RHCE: variants seen among roughly 807,000 people sequenced by gnomAD.
RHCE encodes the protein blood group Rh(CE) polypeptide.
A neutral mutation model predicts 43.8 loss-of-function variants in RHCE; 22 were observed. The ratio of observed to expected loss-of-function variants is 0.50; its 90% CI spans 0.36 to 0.72. The LOEUF (loss-of-function observed/expected upper bound fraction) is 0.72, where lower values mean the gene tolerates loss of function less well. Among genes scored for constraint, RHCE ranks in the 30% least tolerant of loss-of-function variants. The probability of loss-of-function intolerance (pLI) is 0.00; values close to 1 mark genes in which losing one functional copy is unlikely to be tolerated. For synonymous variants in RHCE, 156 were observed against 210.7 expected, an observed-to-expected ratio of 0.74 and a Z score of 2.25; for missense variants, 385 against 525.4, an observed-to-expected ratio of 0.73 and a Z score of 2.61.
At chr1:25,413,531 A>T (rs1046898944) in intron 1 of RHCE, among the ~76,000 whole-genome samples, 7 of 152,204 alleles carry the variant, frequency 4.6e-5, no homozygotes, top group Non-Finnish European at 8.8e-5. Flanking sequence ...CCCAGAGGGG[A>T]ATTGTACATT....
intron 3 of RHCE, among the ~76,000 whole-genome samples, chr1:25,402,241 T>C (rs369499619): frequency 6.6e-6 from 1 of 151,804 alleles, no homozygotes; most frequent in East Asian, 1.9e-4. Flanking sequence ...TCTATCTATC[T>C]ATCCACCTAC....
At chr1:25,382,499 C>A (rs996053392) in intron 7 of RHCE, among the ~76,000 whole-genome samples, 7 of 148,844 alleles carry the variant, frequency 4.7e-5, no homozygotes, top group Non-Finnish European at 8.8e-5. Flanking sequence ...AAACCCAAAC[C>A]TGCTGACTGC....
intron 7 of RHCE, among the ~76,000 whole-genome samples, chr1:25,379,009 T>C (rs1467292512): frequency 6.6e-6 from 1 of 152,212 alleles, no homozygotes; most frequent in African/African-American, 2.4e-5. Flanking sequence ...TACTGTATGA[T>C]TCCATGTATA....
At chr1:25,401,628 TG>T (rs1646746197) in intron 3 of RHCE, among the ~76,000 whole-genome samples, 1 of 152,228 alleles carries the variant, frequency 6.6e-6, no homozygotes, top group South Asian at 2.1e-4. Context: ...AGAGGACATG[TG>T]CAGTTACTGA....
chr1:25,381,609 A>G (rs1392190217), intron 7 of RHCE, among the ~76,000 whole-genome samples: 1 of 152,094 alleles, frequency 6.6e-6, no homozygotes, highest in Admixed American at 6.5e-5. Context: ...GGTGTGCGCC[A>G]GAGTGCCCAG....
At chr1:25,418,415 G>T (rs765532599) in intron 1 of RHCE, among the ~76,000 whole-genome samples, 2 of 151,690 alleles carry the variant, frequency 1.3e-5, no homozygotes, top group Non-Finnish European at 2.9e-5. Flanking sequence ...AGGCTGGAGT[G>T]TAATGGCCTC....
chr1:25,397,819 C>T (rs1287782416), intron 3 of RHCE, among the ~76,000 whole-genome samples: 25 of 147,004 alleles, frequency 1.7e-4, no homozygotes, highest in African/African-American at 5.5e-4. Context: ...CTGTTGCCTC[C>T]GAAGCCTCAG....
chr1:25,367,976 A>C (rs558559829), intron 9 of RHCE, among the ~76,000 whole-genome samples: 19 of 150,676 alleles, frequency 1.3e-4, no homozygotes, highest in Non-Finnish European at 2.5e-4. Context: ...CCCTGTCTCA[A>C]ACAAAAAAAT....
upstream of RHCE, among the ~76,000 whole-genome samples, chr1:25,422,317 C>T (rs929202894): frequency 2.0e-5 from 3 of 152,126 alleles, no homozygotes; most frequent in Admixed American, 6.6e-5. Context: ...TTTATCAAAA[C>T]TGACACAGAG....
intron 1 of RHCE, among the ~76,000 whole-genome samples, chr1:25,417,984 A>G (rs1214284179): frequency 3.3e-5 from 5 of 152,194 alleles, no homozygotes; most frequent in Non-Finnish European, 1.5e-5. Context: ...CTCCGTATGC[A>G]GCCCAGTGAG....
chr1:25,383,252 G>A (rs952412595), intron 7 of RHCE, among the ~76,000 whole-genome samples: 1 of 152,228 alleles, frequency 6.6e-6, no homozygotes, highest in Non-Finnish European at 1.5e-5. Flanking sequence ...TCTGATCACA[G>A]CATCTGACTC....
intron 2 of RHCE, among the ~76,000 whole-genome samples, chr1:25,428,023 A>G (rs2042818068): frequency 6.8e-6 from 1 of 146,216 alleles, no homozygotes; most frequent in Admixed American, 6.8e-5. Context: ...CTGCTTCCAC[A>G]TAGTCCTAGA....
chr1:25,423,736 G>A (rs2042784721), upstream of RHCE, among the ~76,000 whole-genome samples: 1 of 152,166 alleles, frequency 6.6e-6, no homozygotes, highest in Non-Finnish European at 1.5e-5. Flanking sequence ...AAAGCACAAG[G>A]GATCTAGGAT....
intron 7 of RHCE, among the ~76,000 whole-genome samples, chr1:25,383,796 G>T (rs1211750857): frequency 6.6e-6 from 1 of 152,134 alleles, no homozygotes; most frequent in Non-Finnish European, 1.5e-5. Flanking sequence ...TCAGTGGGCT[G>T]ATTGTTCTCA....
rs1557652254 is a variant in RHCE at position 25,428,691 on chromosome 1, T to C, written c.-40+262A>G. 2.0e-5 allele frequency among the ~76,000 whole-genome samples: 3 copies of C among 152,222 alleles called. No individual in the cohort carries two copies. The South Asian group carries it at 6.2e-4, about 32-fold the overall frequency. On this transcript the variant is annotated intron_variant, in intron 2 of 11. Transcript: ENST00000349320. ...AGACTGTGAGAGATTTAGTAACTTGTCCAAGCTAGTAAGTGGCCAAGCTAG... is the reference window on the plus strand; with the variant it reads ...AGACTGTGAGAGATTTAGTAACTTGCCCAAGCTAGTAAGTGGCCAAGCTAG...
intron 1 of RHCE, among the ~76,000 whole-genome samples, chr1:25,413,494 T>A (rs1647165104): frequency 6.6e-6 from 1 of 152,256 alleles, no homozygotes; most frequent in Non-Finnish European, 1.5e-5. Context: ...AAGAAGTGGA[T>A]GTCCTACCCG....
upstream of RHCE, among the ~76,000 whole-genome samples, chr1:25,422,339 T>G (rs2042771296): frequency 6.6e-6 from 1 of 152,102 alleles, no homozygotes; most frequent in African/African-American, 2.4e-5. Flanking sequence ...ATAGACTGTT[T>G]AGTGAAAAAG....
In RHCE at chr1:25,392,075, A is replaced by G; in HGVS notation, c.553T>C (p.Trp185Arg). 1.9e-6 allele frequency: 3 copies of G among 1,614,182 alleles called. No individual in the cohort carries two copies. Among genetic ancestry groups the G allele is most frequent in the Non-Finnish European group, 2.5e-6 (3 of 1,180,036 alleles). The part of the protein sequence containing the change: ...FAAYFGLTVA[W>R]CLPKPLPKGT... Reference sequence around the variant, plus strand: ...TTGGGTAGAGGCTTTGGCAGGCACCAGGCCACAGTCAGCCCAAAATAGGCT... The same window carrying G: ...TTGGGTAGAGGCTTTGGCAGGCACCGGGCCACAGTCAGCCCAAAATAGGCT... The change falls in exon 4 of 10, where the codon TGG becomes CGG. Residue 185 changes from tryptophan to arginine, a missense_variant. Coordinates refer to ENST00000294413, the MANE Select transcript of RHCE (RefSeq NM_020485.8).
intron 3 of RHCE, among the ~76,000 whole-genome samples, chr1:25,396,774 A>AT (rs1234964341): frequency 6.6e-6 from 1 of 152,196 alleles, no homozygotes; most frequent in African/African-American, 2.4e-5. Context: ...GGAGATTACA[A>AT]TTCGAGATGA....
Sources: allele counts gnomAD v4.1 joint callset (sites outside exome capture counted in the v4.1 genomes callset), GRCh38; gene constraint gnomAD v4.1.1; transcripts MANE v1.5; gene names NCBI Gene and HGNC (gene_info 2026-07-23, HGNC 2026-07-21).